WWOX: variants seen among roughly 807,000 people sequenced by gnomAD.
WWOX encodes the protein WW domain-containing oxidoreductase.
WWOX carries 69 observed loss-of-function variants against 46.2 expected under a neutral mutation model. That is an observed-to-expected ratio of 1.49 (90% CI 1.23 to 1.82). The LOEUF is 1.82. Among genes scored for constraint, WWOX ranks in the 40% most tolerant of loss-of-function variants. The pLI is 0.00. For missense variants in WWOX, 919 were observed against 542.6 expected, an observed-to-expected ratio of 1.69 and a Z score of -6.89; for synonymous variants, 359 against 202.6, an observed-to-expected ratio of 1.77 and a Z score of -6.56.
At chr16:78,832,832 C>G (rs1266753837) in intron 8 of WWOX, among the ~76,000 whole-genome samples, 1 of 152,126 alleles carries the variant, frequency 6.6e-6, no homozygotes, top group Non-Finnish European at 1.5e-5. Context: ...GAACTTCCCC[C>G]AAAGACAGAT....
At chr16:78,820,331 C>G (rs7196220) in intron 8 of WWOX, among the ~76,000 whole-genome samples, 1 of 152,060 alleles carries the variant, frequency 6.6e-6, no homozygotes, top group Non-Finnish European at 1.5e-5. Context: ...TGCATGCCCT[C>G]CAACAGTGGA....
Position 78,386,306 on chromosome 16 carries a change from T to C in WWOX, c.517-554T>C, listed in dbSNP as rs545740173. On this transcript the variant is annotated intron_variant, in intron 5 of 8. Coordinates refer to ENST00000566780, the MANE Select transcript of WWOX (RefSeq NM_016373.4). ...ATGTATTCCACCTGTTGATAGAGTTTTCTGGGTTTACTAAGCCAGGGTGTT... is the reference window on the plus strand; with the variant it reads ...ATGTATTCCACCTGTTGATAGAGTTCTCTGGGTTTACTAAGCCAGGGTGTT... Among the ~76,000 whole-genome samples the C allele has an allele frequency of 6.6e-5, 10 of 152,316 alleles. No homozygotes were observed. The South Asian group carries it at 1.9e-3, about 28-fold the overall frequency.
intron 6 of WWOX, among the ~76,000 whole-genome samples, chr16:78,414,606 T>C (rs778172897): frequency 6.6e-6 from 1 of 152,110 alleles, no homozygotes; most frequent in South Asian, 2.1e-4. Context: ...TGAAAAGACA[T>C]CTCAAAAGCC....
At chr16:78,613,242 C>T (rs2045941929) in intron 8 of WWOX, among the ~76,000 whole-genome samples, 2 of 152,142 alleles carry the variant, frequency 1.3e-5, no homozygotes, top group Non-Finnish European at 2.9e-5. Flanking sequence ...ACATTCCCAA[C>T]ATCTCTACCT....
chr16:79,146,937 G>C (rs1567581413), intron 8 of WWOX, among the ~76,000 whole-genome samples: 1 of 152,150 alleles, frequency 6.6e-6, no homozygotes, highest in Non-Finnish European at 1.5e-5. Flanking sequence ...TTTAATTGAA[G>C]ACTCACATGT....
At chr16:79,096,497 C>T (rs1035539515) in intron 8 of WWOX, among the ~76,000 whole-genome samples, 14 of 152,176 alleles carry the variant, frequency 9.2e-5, no homozygotes, top group Non-Finnish European at 8.8e-5. Context: ...CTCAGAGTGC[C>T]CTTCAACAGC....
rs28737364 is a variant in WWOX, at chr16:79,021,860, C to T, written c.1057-189748C>T. ...AATCACACATACACACAAAAAGTGC[C>T]AGTTATAAAGGAGCAGGAGGTTTTC... On this transcript the variant is annotated intron_variant, in intron 8 of 8. Coordinates refer to ENST00000566780, the MANE Select transcript of WWOX (RefSeq NM_016373.4). Among the ~76,000 whole-genome samples, 1,080 of 152,268 alleles carry T rather than the reference C, an allele frequency of 7.1e-3. 16 individuals are homozygous for T. Among genetic ancestry groups the T allele is most frequent in the African/African-American group, 0.022 (902 of 41,566 alleles).
chr16:78,410,004 G>A lies in WWOX; in HGVS notation c.606-14866G>A, dbSNP rs7194828. On this transcript the variant is annotated intron_variant, in intron 6 of 8. Transcript: ENST00000566780. The stretch of plus-strand genomic sequence containing the variant: ...TTGAAACATAATCCCTAGTGTTGGC[G>A]GTGGGTGTGCTGGGAGGTATTTGGA... 9.8e-3 allele frequency among the ~76,000 whole-genome samples: 1,499 copies of A among 152,280 alleles called. 22 individuals are homozygous for A. The highest frequency in any genetic ancestry group is 0.033 in the African/African-American group (1,360 of 41,524).
intron 8 of WWOX, among the ~76,000 whole-genome samples, chr16:79,028,939 G>C (rs529855524): frequency 6.6e-6 from 1 of 151,768 alleles, no homozygotes; most frequent in African/African-American, 2.4e-5. Context: ...TGACATTGAA[G>C]TTGGAGAAAA....
chr16:78,641,669 C>G (rs985452055), intron 8 of WWOX, among the ~76,000 whole-genome samples: 1 of 152,132 alleles, frequency 6.6e-6, no homozygotes, highest in Non-Finnish European at 1.5e-5. Context: ...TTAAACGGCC[C>G]CGCAGATTGC....
At chr16:79,203,733 G>C (rs1210075035) in intron 8 of WWOX, 1 of 152,136 alleles carries the variant, frequency 6.6e-6, no homozygotes, top group African/African-American at 2.4e-5. Context: ...GAAGCTGTTT[G>C]TTTTACCTGT....
At chr16:78,597,464 C>A (rs2045518145) in intron 8 of WWOX, among the ~76,000 whole-genome samples, 3 of 152,148 alleles carry the variant, frequency 2.0e-5, no homozygotes, top group African/African-American at 7.2e-5. Context: ...TGAGCAATGT[C>A]TTTGGTCCAC....
intron 5 of WWOX, among the ~76,000 whole-genome samples, chr16:78,184,253 G>A (rs1235919202): frequency 6.6e-6 from 1 of 150,906 alleles, no homozygotes; most frequent in Non-Finnish European, 1.5e-5. Flanking sequence ...TAGGGATTTT[G>A]AAGTGTTTGG....
At chr16:78,362,167 G>A (rs1325120855) in intron 5 of WWOX, among the ~76,000 whole-genome samples, 1 of 151,974 alleles carries the variant, frequency 6.6e-6, no homozygotes, top group African/African-American at 2.4e-5. Flanking sequence ...ACAGTTGAAG[G>A]TCTGCTGTTA....
At chr16:78,892,365 C>T (rs1214817738) in intron 8 of WWOX, 7 of 152,192 alleles carry the variant, frequency 4.6e-5, no homozygotes, top group Admixed American at 1.3e-4. Flanking sequence ...TCTGGGGTCA[C>T]AGGATGGCTG....
intron 8 of WWOX, among the ~76,000 whole-genome samples, chr16:78,976,808 G>A (rs912282023): frequency 2.0e-5 from 3 of 152,204 alleles, no homozygotes; most frequent in Admixed American, 6.5e-5. Flanking sequence ...AGTGCTGACA[G>A]TGTCAGTGTC....
chr16:79,011,458 AT>A (rs1207066780), intron 8 of WWOX, among the ~76,000 whole-genome samples: 4 of 122,014 alleles, frequency 3.3e-5, no homozygotes, highest in Admixed American at 8.7e-5. Context: ...TTTATTTTTT[AT>A]TTTATTTATT....
At chr16:79,049,399 C>T (rs777365441) in intron 8 of WWOX, among the ~76,000 whole-genome samples, 46 of 152,172 alleles carry the variant, frequency 3.0e-4, no homozygotes, top group Non-Finnish European at 5.4e-4. Context: ...CTGCTCAGGG[C>T]TGGCAGTTGT....
intron 8 of WWOX, among the ~76,000 whole-genome samples, chr16:78,765,327 C>G (rs1181417185): frequency 1.3e-5 from 2 of 152,210 alleles, no homozygotes; most frequent in East Asian, 3.9e-4. Flanking sequence ...GCGTTGAACA[C>G]TAGGGTGAGG....
Sources: gnomAD v4.1 joint callset for allele counts (sites outside exome capture counted in the v4.1 genomes callset) on GRCh38, gnomAD v4.1.1 for gene constraint, MANE v1.5 for transcripts, NCBI Gene and HGNC (gene_info 2026-07-23, HGNC 2026-07-21) for gene names.